The following ARMC8 variants were observed in gnomAD, a reference collection of about 807,000 sequenced individuals.
ARMC8 encodes armadillo repeat containing 8.
A neutral mutation model predicts 99.3 loss-of-function variants in ARMC8; 20 were observed. The observed-to-expected ratio is 0.20, with a 90% confidence interval of 0.14 to 0.29. ARMC8 has a LOEUF of 0.29. Ranked by LOEUF, ARMC8 falls within the 10% of genes least tolerant of loss-of-function variation. The probability of loss-of-function intolerance (pLI) is 1.00; values close to 1 mark genes in which losing one functional copy is unlikely to be tolerated. For synonymous variants in ARMC8, 263 were observed against 278.3 expected, an observed-to-expected ratio of 0.95 and a Z score of 0.55; for missense variants, 569 against 809.5, an observed-to-expected ratio of 0.70 and a Z score of 3.60.
At chr3:138,280,283 T>C (rs1005589629) in intron 18 of ARMC8, among the ~76,000 whole-genome samples, 77 of 141,642 alleles carry the variant, frequency 5.4e-4, no homozygotes, top group African/African-American at 1.8e-3. Context: ...AAAGAATCAG[T>C]TTTTGGTTTC....
At chr3:138,288,635 C>CTT (rs547726493) in intron 19 of ARMC8, among the ~76,000 whole-genome samples, 71 of 109,672 alleles carry the variant, frequency 6.5e-4, no homozygotes, top group African/African-American at 8.9e-4. Flanking sequence ...CTTCTTCAGA[C>CTT]TTTTTTTTTT....
intron 19 of ARMC8, among the ~76,000 whole-genome samples, chr3:138,286,915 T>G (rs1025874300): frequency 2.6e-5 from 4 of 152,226 alleles, no homozygotes; most frequent in African/African-American, 9.6e-5. Flanking sequence ...TCTTGGAATC[T>G]ATCTTGATTT....
At chr3:138,217,989 G>A (rs1230723798) in intron 2 of ARMC8, among the ~76,000 whole-genome samples, 1 of 152,144 alleles carries the variant, frequency 6.6e-6, no homozygotes, top group Non-Finnish European at 1.5e-5. Context: ...CCACTAATCA[G>A]TTTTGTATAA....
At chr3:138,201,330 T>C (rs1178080625) in intron 1 of ARMC8, among the ~76,000 whole-genome samples, 14 of 151,774 alleles carry the variant, frequency 9.2e-5, no homozygotes, top group Admixed American at 2.6e-4. Context: ...CTGTATACTA[T>C]ATCATCGTAA....
rs571456139 is a variant in ARMC8 at position 138,226,211 on chromosome 3, G to C, written c.435+2478G>C. ...AGGTTTCACCATATTGGCCAGGCTG[G>C]TCTCGAACTCCTGACCTCGTGATCC... is the stretch of plus-strand genomic sequence containing the variant. On this transcript the variant is annotated intron_variant, in intron 5 of 21. Transcript: ENST00000469044. 2.0e-5 allele frequency among the ~76,000 whole-genome samples: 3 copies of C among 152,264 alleles called. No individual in the cohort carries two copies. The South Asian group carries it at 6.2e-4, about 32-fold the overall frequency.
At chr3:138,188,400 G>GT (rs1446739040) in intron 1 of ARMC8, 112 of 1,458,204 alleles carry the variant, frequency 7.7e-5, no homozygotes, top group East Asian at 3.9e-4. Flanking sequence ...TTTAAAAAAA[G>GT]TTTTTTTAAA....
chr3:138,193,324 G>T (rs1217561863), intron 1 of ARMC8, among the ~76,000 whole-genome samples: 4 of 151,814 alleles, frequency 2.6e-5, no homozygotes, highest in African/African-American at 9.7e-5. Flanking sequence ...GCAGTGGTGT[G>T]ATCTCAGCTC....
intron 1 of ARMC8, among the ~76,000 whole-genome samples, chr3:138,194,586 C>G (rs1253871648): frequency 1.3e-5 from 2 of 151,988 alleles, no homozygotes; most frequent in Admixed American, 1.3e-4. Flanking sequence ...GATCTGCCCA[C>G]CTTGGCCTCC....
At chr3:138,255,404 G>A (rs1161633973) in intron 12 of ARMC8, among the ~76,000 whole-genome samples, 1 of 151,830 alleles carries the variant, frequency 6.6e-6, no homozygotes, top group Non-Finnish European at 1.5e-5. Context: ...GGGTTTCACT[G>A]TGTTAGTCAG....
At chr3:138,288,547 C>G (rs2108376813) in intron 19 of ARMC8, among the ~76,000 whole-genome samples, 1 of 152,192 alleles carries the variant, frequency 6.6e-6, no homozygotes, top group South Asian at 2.1e-4. Flanking sequence ...CTCCACTGTC[C>G]CTTGTTATCT....
chr3:138,188,316 T>G, intron 1 of ARMC8: 142 of 1,137,310 alleles, frequency 1.2e-4, no homozygotes, highest in Middle Eastern at 3.1e-4. Context: ...GAAAAGGGGG[T>G]GAGATTTATT....
At chr3:138,223,365 G>A (rs769564958) in intron 3 of ARMC8, 24 bp from the exon 4 acceptor site, 14 of 1,609,628 alleles carry the variant, frequency 8.7e-6, no homozygotes, top group South Asian at 3.3e-5. Context: ...TAGTCTCTTC[G>A]TTTATTAAGT....
intron 12 of ARMC8, among the ~76,000 whole-genome samples, chr3:138,252,585 C>G (rs1242898714): frequency 6.6e-6 from 1 of 151,708 alleles, no homozygotes; most frequent in African/African-American, 2.4e-5. Flanking sequence ...TCCCAAGTAG[C>G]TGAGATTACA....
rs3942434 is a variant in ARMC8, at chr3:138,282,253, T to G, written c.1726-2178T>G. Reference sequence around the variant, plus strand: ...TTGCTAAGGCTTTCTGTAATCACTTTAAGGAATTCGAGCAGAACTAGAAGG... The same window carrying G: ...TTGCTAAGGCTTTCTGTAATCACTTGAAGGAATTCGAGCAGAACTAGAAGG... On this transcript the variant is annotated intron_variant, in intron 18 of 21. Coordinates refer to ENST00000469044, the MANE Select transcript of ARMC8 (RefSeq NM_001363941.2). Among the ~76,000 whole-genome samples, 1,192 of 152,328 alleles carry G rather than the reference T, an allele frequency of 7.8e-3. 24 individuals are homozygous for G. The highest frequency in any genetic ancestry group is 0.044 in the Admixed American group (678 of 15,308).
rs1205281872 is a variant in ARMC8, at chr3:138,273,026, T to C, written c.1539T>C (p.Thr513=). 1 of 1,612,946 alleles carries C rather than the reference T, an allele frequency of 6.2e-7. No homozygotes were observed. Among genetic ancestry groups the C allele is most frequent in the Non-Finnish European group, 8.5e-7 (1 of 1,179,330 alleles). The change falls in exon 17 of 22, where the codon ACT becomes ACC. Residue 513 remains threonine, a synonymous_variant. Coordinates refer to ENST00000469044, the MANE Select transcript of ARMC8 (RefSeq NM_001363941.2). ...IKADILRSLS[T]EQLFRLLSDS... is the part of the protein sequence containing the mutation. ...CAGATATTTTACGAAGCTTGAGTAC[T>C]GAACAGCTATTCCGGTTATTATCAG...
rs530326901 is a variant in ARMC8, at chr3:138,191,829, T to C, written c.45+4230T>C. 1.4e-4 allele frequency among the ~76,000 whole-genome samples: 21 copies of C among 152,368 alleles called. No individual in the cohort carries two copies. In the South Asian group the frequency reaches 3.5e-3, roughly 26 times the overall value. On this transcript the variant is annotated intron_variant, in intron 1 of 21. Coordinates refer to ENST00000469044, the MANE Select transcript of ARMC8 (RefSeq NM_001363941.2). ...TGAGATCTATCCATATTGTTGTATGTAGCAGTAGTTCCTTTTTATTGTTAA... is the reference window on the plus strand; with the variant it reads ...TGAGATCTATCCATATTGTTGTATGCAGCAGTAGTTCCTTTTTATTGTTAA...
chr3:138,229,174 ATATATATATGTATATGTATATG>A (rs2045891796), intron 6 of ARMC8, 164 bp downstream of exon 6: 1 of 38,426 alleles, frequency 2.6e-5, no homozygotes, highest in African/African-American at 7.6e-5. Flanking sequence ...ATATATATAT[ATATATATATGTATATGTATATG>A]TATATGTATA....
At chr3:138,224,022 G>A (rs1252989754) in intron 5 of ARMC8, among the ~76,000 whole-genome samples, 3 of 149,186 alleles carry the variant, frequency 2.0e-5, no homozygotes, top group African/African-American at 7.5e-5. Context: ...GCAGTGGCGC[G>A]ATCTCGGCTC....
In ARMC8 at chr3:138,223,666, A is replaced by C; in HGVS notation, c.368A>C (p.Glu123Ala). 1 of 1,614,202 alleles carries C rather than the reference A, an allele frequency of 6.2e-7. No homozygotes were observed. Among genetic ancestry groups the C allele is most frequent in the Non-Finnish European group, 8.5e-7 (1 of 1,180,034 alleles). ...CTGTCCCCAGACCTGAAGTTTATTG[A>C]AGCTTGCCTCCGATGCCTGCGTACC... ...GLLSPDLKFI[E>A]ACLRCLRTIF... is the part of the protein sequence containing the mutation. Residue 123 changes from glutamate to alanine, a missense_variant, in exon 5 of 22, where the codon GAA becomes GCA. This residue lies in a region of ARMC8 where 342 missense variants were observed against 391.6 expected (regional missense o/e 0.87). Transcript: ENST00000469044.
Sources: gnomAD v4.1 joint callset for allele counts (sites outside exome capture counted in the v4.1 genomes callset) on GRCh38, gnomAD v4.1.1 for gene constraint, gnomAD v4.1.1 regional missense constraint, MANE v1.5 for transcripts, NCBI Gene and HGNC (gene_info 2026-07-23, HGNC 2026-07-21) for gene names.